The following PTN variants were observed in gnomAD, a reference collection of about 807,000 sequenced individuals.
PTN encodes pleiotrophin.
Under a neutral mutation model 24.1 loss-of-function variants are expected in PTN, and 18 were observed. The ratio of observed to expected loss-of-function variants is 0.75; its 90% CI spans 0.52 to 1.11. The LOEUF (loss-of-function observed/expected upper bound fraction) is 1.11. Among genes scored for constraint, PTN ranks in the 50% least tolerant of loss-of-function variants. PTN has a pLI of 0.00. For missense variants in PTN, 163 were observed against 198.8 expected, an observed-to-expected ratio of 0.82 and a Z score of 1.08; for synonymous variants, 78 against 68.6, an observed-to-expected ratio of 1.14 and a Z score of -0.67.
chr7:137,289,193 T>C (rs1286471972), intron 1 of PTN, among the ~76,000 whole-genome samples: 1 of 152,188 alleles, frequency 6.6e-6, no homozygotes, highest in Admixed American at 6.5e-5. Flanking sequence ...ATTCTCAAGA[T>C]TGATAAAAGA....
intron 1 of PTN, among the ~76,000 whole-genome samples, chr7:137,264,256 G>C (rs909209960): frequency 2.0e-5 from 3 of 152,140 alleles, no homozygotes; most frequent in Non-Finnish European, 4.4e-5. Flanking sequence ...GTTTCTTTTA[G>C]AGTCCCGGTA....
chr7:137,251,348 C>G lies in PTN; in HGVS notation c.333G>C (p.Leu111=). ...CAGTTCTGGTCTTCAGGGCTGTGTT[C>G]AGGTCACATTCTCCCCAGGCCTGGA... ...YQFQAWGECD[L]NTALKTRTGS... The change falls in exon 4 of 5, where the codon CTG becomes CTC. Residue 111 remains leucine, a synonymous_variant. Coordinates refer to ENST00000348225, the MANE Select transcript of PTN (RefSeq NM_002825.7). 1 of 1,614,062 alleles carries G rather than the reference C, an allele frequency of 6.2e-7. No individual in the cohort carries two copies. Among genetic ancestry groups the G allele is most frequent in the East Asian group, 2.2e-5 (1 of 44,860 alleles).
intron 4 of PTN, among the ~76,000 whole-genome samples, chr7:137,245,727 G>A (rs1808711163): frequency 6.6e-6 from 1 of 152,186 alleles, no homozygotes; most frequent in African/African-American, 2.4e-5. Flanking sequence ...CTTCCAGTGG[G>A]ACAAGATGTG....
At chr7:137,263,277 G>C (rs1376923819) in intron 1 of PTN, among the ~76,000 whole-genome samples, 1 of 152,114 alleles carries the variant, frequency 6.6e-6, no homozygotes, top group Non-Finnish European at 1.5e-5. Context: ...CATGGCTTCA[G>C]GGTCGAATCC....
At chr7:137,338,723 CT>C (rs1277147304) in intron 1 of PTN, among the ~76,000 whole-genome samples, 2 of 152,256 alleles carry the variant, frequency 1.3e-5, no homozygotes, top group African/African-American at 4.8e-5. Flanking sequence ...ATGTCAGTCA[CT>C]ATGCGTAAAA....
At chr7:137,324,430 A>AT (rs1444796546) in intron 1 of PTN, among the ~76,000 whole-genome samples, 46 of 81,480 alleles carry the variant, frequency 5.6e-4, no homozygotes, top group South Asian at 3.4e-3. Context: ...AAAAAAAAAA[A>AT]AAAATATATA....
chr7:137,231,460 G>A (rs530395695), intron 4 of PTN, among the ~76,000 whole-genome samples: 24 of 151,902 alleles, frequency 1.6e-4, no homozygotes, highest in African/African-American at 5.8e-4. Flanking sequence ...CAGATTCCGT[G>A]CACAGACACT....
At chr7:137,285,434 G>C (rs1049506496) in intron 1 of PTN, among the ~76,000 whole-genome samples, 2 of 152,194 alleles carry the variant, frequency 1.3e-5, no homozygotes, top group Admixed American at 6.5e-5. Context: ...GAGAGGCCAA[G>C]GTGGGCGGAT....
intron 1 of PTN, among the ~76,000 whole-genome samples, chr7:137,313,340 G>T (rs887415152): frequency 2.6e-5 from 4 of 152,194 alleles, no homozygotes; most frequent in Non-Finnish European, 5.9e-5. Context: ...TTTTGCAGAT[G>T]ACTTAGGGAA....
intron 1 of PTN, among the ~76,000 whole-genome samples, chr7:137,291,154 C>A (rs902349450): frequency 6.6e-6 from 1 of 152,054 alleles, no homozygotes; most frequent in Non-Finnish European, 1.5e-5. Context: ...ACTACAAAGC[C>A]ATTTGTTTAA....
At chr7:137,238,278 G>A (rs745751729) in intron 4 of PTN, among the ~76,000 whole-genome samples, 3 of 152,128 alleles carry the variant, frequency 2.0e-5, no homozygotes, top group Admixed American at 1.3e-4. Context: ...ATGTCATAGC[G>A]GAGGGAAGAC....
chr7:137,281,823 T>C (rs1809479443), intron 1 of PTN, among the ~76,000 whole-genome samples: 2 of 152,236 alleles, frequency 1.3e-5, no homozygotes, highest in South Asian at 4.1e-4. Flanking sequence ...ATAACCAATA[T>C]GTATGAAAGA....
chr7:137,250,537 G>A (rs1360077989), intron 4 of PTN, among the ~76,000 whole-genome samples: 4 of 152,168 alleles, frequency 2.6e-5, no homozygotes, highest in African/African-American at 9.7e-5. Context: ...ATGAATTTGG[G>A]AAAACACAAT....
chr7:137,243,488 AC>A (rs1291728028), intron 4 of PTN, among the ~76,000 whole-genome samples: 1 of 152,108 alleles, frequency 6.6e-6, no homozygotes, highest in Non-Finnish European at 1.5e-5. Context: ...CTAATGATAT[AC>A]CCCACCACAT....
chr7:137,330,440 A>C (rs1443239511), intron 1 of PTN, among the ~76,000 whole-genome samples: 1 of 152,180 alleles, frequency 6.6e-6, no homozygotes, highest in Non-Finnish European at 1.5e-5. Flanking sequence ...GCAAATAGCA[A>C]TCAAGGCAGA....
chr7:137,243,333 G>A (rs1808665734), intron 4 of PTN, among the ~76,000 whole-genome samples: 1 of 152,162 alleles, frequency 6.6e-6, no homozygotes, highest in African/African-American at 2.4e-5. Flanking sequence ...AAAATAAAAA[G>A]TGACTGGTAA....
intron 1 of PTN, among the ~76,000 whole-genome samples, chr7:137,308,519 G>A (rs972250589): frequency 9.2e-5 from 14 of 152,068 alleles, no homozygotes; most frequent in Admixed American, 5.2e-4. Flanking sequence ...TTTCTTTTTC[G>A]TGGTAGATTC....
chr7:137,236,202 T>G (rs1464935390), intron 4 of PTN: 9 of 702,346 alleles, frequency 1.3e-5, no homozygotes, highest in Non-Finnish European at 2.3e-5. Context: ...TCTACCATCT[T>G]CTCAAACTCT....
In PTN at chr7:137,239,410, A is replaced by ATTTAT. The variant is rs776227353; in HGVS notation, c.452-11336_452-11335insATAAA. Among the ~76,000 whole-genome samples the ATTTAT allele has an allele frequency of 1.4e-4, 20 of 141,010 alleles. 1 individual carries two copies. The highest frequency in any genetic ancestry group is 1.0e-3 in the Admixed American group (14 of 14,004). The allele number at this position is 141,010 out of a possible 152,430, so 92.5% of individuals were successfully genotyped here. ...TATTTATTTATTTATTTATTTATTT[A>ATTTAT]TTATTATACTTTAAGTTTTAGGGTA... On this transcript the variant is annotated intron_variant, in intron 4 of 4. Coordinates refer to ENST00000348225, the MANE Select transcript of PTN (RefSeq NM_002825.7).
Sources: allele counts gnomAD v4.1 joint callset (sites outside exome capture counted in the v4.1 genomes callset), GRCh38; gene constraint gnomAD v4.1.1; transcripts MANE v1.5; gene names NCBI Gene and HGNC (gene_info 2026-07-23, HGNC 2026-07-21).